The following NSG2 variants were observed in gnomAD, a reference collection of about 807,000 sequenced individuals.
The protein encoded by NSG2 is neuronal vesicle trafficking associated 2.
In NSG2, 4 loss-of-function variants were observed where a neutral mutation model predicts 16.9. The observed-to-expected ratio is 0.24, with a 90% CI of 0.12 to 0.54. NSG2 has a LOEUF of 0.54. Ranked by LOEUF, NSG2 falls within the 20% of genes least tolerant of loss-of-function variation. The pLI, the probability that NSG2 is intolerant of heterozygous loss-of-function variation, is 0.95. For missense variants in NSG2, 179 were observed against 221.1 expected (o/e 0.81, Z 1.21); for synonymous variants, 98 against 88.7 (o/e 1.11, Z -0.59).
chr5:174,080,598 G>T (rs967373696), intron 3 of NSG2, among the ~76,000 whole-genome samples: 16 of 133,950 alleles, frequency 1.2e-4, no homozygotes, highest in Non-Finnish European at 2.3e-4. Flanking sequence ...AGTCTGTTCT[G>T]TCGTCCAGGC....
At chr5:174,073,772 G>A (rs756200780) in intron 3 of NSG2, among the ~76,000 whole-genome samples, 3 of 152,138 alleles carry the variant, frequency 2.0e-5, no homozygotes, top group African/African-American at 4.8e-5. Flanking sequence ...CCACCCCATC[G>A]CAAAAGGATG....
rs547904358 is a variant in NSG2, at chr5:174,054,415, C to G, written c.129+7531C>G. ...TTTTAGAGACAAGGTCTCTCTCTGT[C>G]GTCCTGAAGCTGGAGTGTAGTGGTG... On this transcript the variant is annotated intron_variant, in intron 2 of 4. Transcript: ENST00000303177. Among the ~76,000 whole-genome samples the G allele has an allele frequency of 2.0e-5, 3 of 152,300 alleles. No homozygotes were observed. The East Asian group carries it at 5.8e-4, about 29-fold the overall frequency.
In NSG2 at chr5:174,048,030, G is replaced by A. The variant is rs925983917; in HGVS notation, c.129+1146G>A. Among the ~76,000 whole-genome samples, 9 of 152,218 alleles carry A rather than the reference G, an allele frequency of 5.9e-5. 1 individual carries two copies. Among genetic ancestry groups the A allele is most frequent in the Admixed American group, 5.2e-4 (8 of 15,284 alleles). ...AGGGGCTGCTGATTGGCCAGAGGTT[G>A]AATCATTTGTTTTGAAAGTGCAGAG... On this transcript the variant is annotated intron_variant, in intron 2 of 4. Transcript: ENST00000303177.
intron 3 of NSG2, among the ~76,000 whole-genome samples, chr5:174,079,830 G>T (rs773646028): frequency 1.3e-5 from 2 of 151,990 alleles, no homozygotes; most frequent in South Asian, 4.2e-4. Context: ...AATTAATCAT[G>T]GACTCCACAA....
chr5:174,051,451 G>A (rs1346314704), intron 2 of NSG2, among the ~76,000 whole-genome samples: 3 of 152,180 alleles, frequency 2.0e-5, no homozygotes, highest in African/African-American at 7.2e-5. Flanking sequence ...AGTTCAGACA[G>A]CACCTCTCCT....
intron 3 of NSG2, among the ~76,000 whole-genome samples, chr5:174,098,788 C>T (rs982680064): frequency 2.0e-5 from 3 of 152,132 alleles, no homozygotes; most frequent in Non-Finnish European, 4.4e-5. Flanking sequence ...CGATGAGTGG[C>T]TGAGTGAGTG....
At chr5:174,075,583 GA>G (rs1354807544) in intron 3 of NSG2, among the ~76,000 whole-genome samples, 1 of 152,014 alleles carries the variant, frequency 6.6e-6, no homozygotes, top group Non-Finnish European at 1.5e-5. Flanking sequence ...ATCCAAAAGG[GA>G]AAAAGAGAAG....
intron 2 of NSG2, among the ~76,000 whole-genome samples, chr5:174,055,591 C>G (rs1446021846): frequency 6.6e-6 from 1 of 151,976 alleles, no homozygotes; most frequent in Non-Finnish European, 1.5e-5. Flanking sequence ...CAGAGCGAGA[C>G]TCTGTCTCAA....
chr5:174,097,053 C>T (rs1760808556), intron 3 of NSG2, among the ~76,000 whole-genome samples: 1 of 152,140 alleles, frequency 6.6e-6, no homozygotes, highest in African/African-American at 2.4e-5. Context: ...CGATAGTGTG[C>T]ACTACGTTCC....
intron 2 of NSG2, among the ~76,000 whole-genome samples, chr5:174,049,589 T>C (rs1443048024): frequency 2.0e-5 from 3 of 152,118 alleles, no homozygotes; most frequent in African/African-American, 4.8e-5. Context: ...TAGTTCCCCA[T>C]AGCAAATAGC....
chr5:174,067,502 G>A (rs1308656249), intron 3 of NSG2, among the ~76,000 whole-genome samples: 4 of 152,250 alleles, frequency 2.6e-5, no homozygotes, highest in Non-Finnish European at 5.9e-5. Context: ...AGGAAAGAAG[G>A]GCTTTGTGGT....
At chr5:174,056,749 A>G (rs1363051830) in intron 2 of NSG2, among the ~76,000 whole-genome samples, 7 of 152,186 alleles carry the variant, frequency 4.6e-5, no homozygotes, top group African/African-American at 4.8e-5. Flanking sequence ...TAAAAATACA[A>G]TCTTGCTCCT....
chr5:174,089,941 C>T (rs1760696075), intron 3 of NSG2, among the ~76,000 whole-genome samples: 1 of 152,088 alleles, frequency 6.6e-6, no homozygotes, highest in East Asian at 1.9e-4. Context: ...GTTAGTGGGG[C>T]CTGGGCTCTG....
Position 174,046,874 on chromosome 5 carries a change from C to T in NSG2, c.119C>T (p.Ala40Val). Residue 40 changes from alanine to valine, a missense_variant, in exon 2 of 5, where the codon GCT (alanine) becomes GTT (valine). Ala to Val is a moderately conservative substitution (Grantham distance 64). Transcript: ENST00000303177. Reference protein sequence around the residue: ...PLEVNHLQLPAPEKVIVKTRT... With the variant: ...PLEVNHLQLPVPEKVIVKTRT... Reference sequence around the variant, plus strand: ...GAGGTTAATCACTTACAGCTGCCTGCTCCAGAAAAGGTAAAGCATGTCCTC... The same window carrying T: ...GAGGTTAATCACTTACAGCTGCCTGTTCCAGAAAAGGTAAAGCATGTCCTC... 1 of 1,614,136 alleles carries T rather than the reference C, an allele frequency of 6.2e-7. No homozygotes were observed. The highest frequency in any genetic ancestry group is 8.5e-7 in the Non-Finnish European group (1 of 1,180,026).
rs1426167732 is a variant in NSG2, at chr5:174,046,683, C to G, written c.-22-51C>G. The stretch of plus-strand genomic sequence containing the variant: ...TGCTATTTTCTCTGTCGTCAGCCCT[C>G]TCTTTCTGCCTCACCTCCTGCTGTA... On this transcript the variant is annotated intron_variant, in intron 1 of 4. Transcript: ENST00000303177. The G allele has an allele frequency of 3.8e-6, 6 of 1,584,330 alleles. No homozygotes were observed. The African/African-American group carries it at 5.4e-5, about 14-fold the overall frequency.
rs1760996530 is a variant in NSG2, at chr5:174,107,240, A to T, written c.325-74A>T. On this transcript the variant is annotated intron_variant, in intron 4 of 4. Coordinates refer to ENST00000303177, the MANE Select transcript of NSG2 (RefSeq NM_015980.5). This position sits in a 1 kb window ranked among gnomAD's most constrained non-coding sequence, Gnocchi z 4.5. ...AGCCCGATGCAGCTGCACTCCAGTC[A>T]GGGTGGCTGTGTTGCTGGGCAGGTT... is the stretch of plus-strand genomic sequence containing the variant. 7.4e-7 allele frequency: 1 copy of T among 1,347,570 alleles called. No individual in the cohort carries two copies. Among genetic ancestry groups the T allele is most frequent in the African/African-American group, 1.5e-5 (1 of 68,360 alleles). The allele number at this position is 1,347,570 out of a possible 1,614,324, so 83.5% of individuals were successfully genotyped here. A position where few individuals can be genotyped will look rare whatever the true frequency, so the allele number is the denominator to read the frequency against.
intron 3 of NSG2, among the ~76,000 whole-genome samples, chr5:174,064,704 G>T (rs760473526): frequency 1.6e-4 from 24 of 152,030 alleles, no homozygotes; most frequent in Non-Finnish European, 3.2e-4. Context: ...AAGGTGGGGG[G>T]AAGAAAAGCT....
chr5:174,045,709 AGCTCCGATCCAGACACACGCGAGGC>A lies in NSG2; in HGVS notation c.-153_-129del, dbSNP rs1759783015. 1 of 152,342 alleles carries A rather than the reference AGCTCCGATCCAGACACACGCGAGGC, an allele frequency of 6.6e-6. No homozygotes were observed. The highest frequency in any genetic ancestry group is 1.9e-4 in the East Asian group (1 of 5,328). The allele number at this position is 152,342 out of a possible 1,614,324, so 9.4% of individuals were successfully genotyped here. A position where few individuals can be genotyped will look rare whatever the true frequency, so the allele number is the denominator to read the frequency against. ...CTGCTCGCTCACGCCTGCTCTCAGAAGCTCCGATCCAGACACACGCGAGGCGCTGTCCTTTCAGCACCACAAGCTC... is the reference window on the plus strand; with the variant it reads ...CTGCTCGCTCACGCCTGCTCTCAGAAGCTGTCCTTTCAGCACCACAAGCTC... On this transcript the variant is annotated 5_prime_UTR_variant, in exon 1 of 5. Transcript: ENST00000303177.
chr5:174,106,438 G>A (rs926044556), intron 4 of NSG2, among the ~76,000 whole-genome samples: 46 of 152,206 alleles, frequency 3.0e-4, no homozygotes, highest in African/African-American at 8.9e-4. Flanking sequence ...GACACATGGA[G>A]TTGCAGAGAA....
Sources: allele counts gnomAD v4.1 joint callset (sites outside exome capture counted in the v4.1 genomes callset), GRCh38; gene constraint gnomAD v4.1.1; non-coding constraint Gnocchi (gnomAD v3.1); transcripts MANE v1.5; gene names NCBI Gene and HGNC (gene_info 2026-07-23, HGNC 2026-07-21).